The following CLDN15 variants were observed in gnomAD, a reference collection of about 807,000 sequenced individuals.
CLDN15 encodes claudin 15.
Under a neutral mutation model 24.5 loss-of-function variants are expected in CLDN15, and 9 were observed. That is an observed-to-expected ratio of 0.37 (90% confidence interval 0.22 to 0.64). CLDN15 has a LOEUF of 0.64. Ranked by LOEUF, CLDN15 falls within the 30% of genes least tolerant of loss-of-function variation. The pLI, the probability that CLDN15 is intolerant of heterozygous loss-of-function variation, is 0.63. For synonymous variants in CLDN15, 149 were observed against 131.4 expected, an observed-to-expected ratio of 1.13 and a Z score of -0.92; for missense variants, 248 against 305.9, an observed-to-expected ratio of 0.81 and a Z score of 1.41.
chr7:101,234,053 C>G lies in CLDN15; in HGVS notation c.382+225G>C, dbSNP rs536171051. The G allele has an allele frequency of 5.7e-6, 4 of 696,738 alleles. No homozygotes were observed. In the African/African-American group the frequency reaches 7.0e-5, roughly 12 times the overall value. The allele number at this position is 696,738 out of a possible 1,614,324, so 43.2% of individuals were successfully genotyped here. On this transcript the variant is annotated intron_variant, in intron 2 of 4. Transcript: ENST00000308344. ...CTTCGAAGTCCCTCCCACACCTGGC[C>G]GTGGCCAGCCCCTACTGGGAGCTCA...
At chr7:101,234,099 G>C (rs1454173238) in intron 2 of CLDN15, 179 bp downstream of exon 2, 6 of 737,438 alleles carry the variant, frequency 8.1e-6, no homozygotes, top group South Asian at 7.1e-5. Flanking sequence ...CCGATGGGCT[G>C]ATTTGCAGCC....
At position 101,237,599 on chromosome 7, in the gene CLDN15, T is replaced by C. The variant is rs1181351825; in HGVS notation, c.-18A>G. The C allele has an allele frequency of 6.3e-7, 1 of 1,596,968 alleles. No homozygotes were observed. Among genetic ancestry groups the C allele is most frequent in the Admixed American group, 1.7e-5 (1 of 59,806 alleles). On this transcript the variant is annotated 5_prime_UTR_variant, in exon 1 of 5. Coordinates refer to ENST00000308344, the MANE Select transcript of CLDN15 (RefSeq NM_014343.3). This position sits in a 1 kb window ranked among gnomAD's most constrained non-coding sequence, Gnocchi z 4.0. ...ATCGACATGGTGGGATGCAGGACCC[T>C]GGGGGGCTGGTGCCCCAGAGAGGGG...
chr7:101,237,806 C>T, upstream of CLDN15: 1 of 580,962 alleles, frequency 1.7e-6, no homozygotes, highest in South Asian at 2.0e-5. The surrounding 1 kb of genome is among the most constrained non-coding windows in gnomAD (Gnocchi z 4.0). Flanking sequence ...GAGGAATGAG[C>T]TAAGCCTGCG....
In CLDN15 at chr7:101,233,096, A is replaced by G. The variant is rs187210538; in HGVS notation, c.383-182T>C. Among the ~76,000 whole-genome samples, 6 of 152,154 alleles carry G rather than the reference A, an allele frequency of 3.9e-5. No individual in the cohort carries two copies. The East Asian group carries it at 7.7e-4, about 20-fold the overall frequency. On this transcript the variant is annotated intron_variant, in intron 2 of 4. Transcript: ENST00000308344. ...ATAAGCCTTCCTCCTTCCTGGGGTCAACTTCTCAGGGTAGCCCTTAGGCCC... is the reference window on the plus strand; with the variant it reads ...ATAAGCCTTCCTCCTTCCTGGGGTCGACTTCTCAGGGTAGCCCTTAGGCCC...
Position 101,232,214 on chromosome 7 carries a change from GGA to G in CLDN15, c.*194_*195del. ...AAGATGAGGGATCCAGCCTCAGAGG[GGA>G]GATATGCGACTTCCCAAGAGCAGTT... On this transcript the variant is annotated 3_prime_UTR_variant, in exon 5 of 5. Transcript: ENST00000308344. 1 of 561,300 alleles carries G rather than the reference GGA, an allele frequency of 1.8e-6. No individual in the cohort carries two copies. The highest frequency in any genetic ancestry group is 3.2e-6 in the Non-Finnish European group (1 of 316,844). 34.8% of individuals were successfully genotyped at this position (561,300 alleles called of 1,614,324 possible). A position where few individuals can be genotyped will look rare whatever the true frequency, so the allele number is the denominator to read the frequency against.
chr7:101,232,757 G>T (rs369012086), intron 3 of CLDN15, 37 bp from the exon 4 acceptor site: 1 of 1,583,652 alleles, frequency 6.3e-7, no homozygotes, highest in East Asian at 2.2e-5. Flanking sequence ...GGGGACAAGT[G>T]AGACGCCAGC....
Position 101,232,125 on chromosome 7 carries a change from T to C in CLDN15, c.*285A>G, listed in dbSNP as rs190503458. 1 of 333,538 alleles carries C rather than the reference T, an allele frequency of 3.0e-6. No individual in the cohort carries two copies. Among genetic ancestry groups the C allele is most frequent in the East Asian group, 5.9e-5 (1 of 17,074 alleles). The allele number at this position is 333,538 out of a possible 1,614,324, so 20.7% of individuals were successfully genotyped here. ...CACAATATGCATTTATTAATGAATGTATTTATACACAATACAAACGTGCGG... is the reference window on the plus strand; with the variant it reads ...CACAATATGCATTTATTAATGAATGCATTTATACACAATACAAACGTGCGG... On this transcript the variant is annotated 3_prime_UTR_variant, in exon 5 of 5. Coordinates refer to ENST00000308344, the MANE Select transcript of CLDN15 (RefSeq NM_014343.3).
chr7:101,233,764 A>ATTTTTTTTTTTTTTT (rs746861741), intron 2 of CLDN15: 5 of 88,494 alleles, frequency 5.7e-5, no homozygotes, highest in Non-Finnish European at 1.0e-4. Context: ...CGCCTGGCTA[A>ATTTTTTTTTTTTTTT]TTTTTTTTTT....
At chr7:101,236,928 C>T (rs891209991) in intron 1 of CLDN15, 1 of 699,254 alleles carries the variant, frequency 1.4e-6, no homozygotes, top group African/African-American at 1.8e-5. Context: ...ATGGGGCCTC[C>T]TCCCCCTGCC....
rs747781024 is a variant in CLDN15 at position 101,234,006 on chromosome 7, G to A, written c.382+272C>T. On this transcript the variant is annotated intron_variant, in intron 2 of 4. Coordinates refer to ENST00000308344, the MANE Select transcript of CLDN15 (RefSeq NM_014343.3). ...CTCCCCAGCTAGGATGTAAGCTCCC[G>A]GAGGCAGCCGCTCACTCTTATCTTC... 56 of 647,112 alleles carry A rather than the reference G, an allele frequency of 8.7e-5. No homozygotes were observed. In the East Asian group the frequency reaches 1.4e-3, roughly 16 times the overall value. 40.1% of individuals were successfully genotyped at this position (647,112 alleles called of 1,614,324 possible).
chr7:101,234,582 A>G, intron 1 of CLDN15, 140 bp from the exon 2 acceptor site: 1 of 613,972 alleles, frequency 1.6e-6, no homozygotes. Flanking sequence ...ACGCACCACC[A>G]CGCCCGGCTA....
In CLDN15 at chr7:101,232,918, G is replaced by A. The variant is rs2116834329; in HGVS notation, c.383-4C>T. On this transcript the variant is annotated splice_polypyrimidine_tract_variant and splice_region_variant and intron_variant, in intron 2 of 4. Coordinates refer to ENST00000308344, the MANE Select transcript of CLDN15 (RefSeq NM_014343.3). ...ATGGCCACCATCCCGCAGATACCTG[G>A]GGACCGGAGGACGACCCCAGTCCAG... 6.2e-7 allele frequency: 1 copy of A among 1,611,790 alleles called. No homozygotes were observed. Among genetic ancestry groups the A allele is most frequent in the Non-Finnish European group, 8.5e-7 (1 of 1,178,636 alleles).
chr7:101,233,071 A>C (rs1169931253), intron 2 of CLDN15, among the ~76,000 whole-genome samples, 157 bp from the exon 3 acceptor site: 1 of 151,988 alleles, frequency 6.6e-6, no homozygotes, highest in East Asian at 1.9e-4. Flanking sequence ...ACCCCAGTTT[A>C]TAAGCCTTCC....
intron 4 of CLDN15, 34 bp downstream of exon 4, chr7:101,232,570 C>T (rs372838107): frequency 3.4e-4 from 545 of 1,596,608 alleles, no homozygotes; most frequent in Non-Finnish European, 4.3e-4. Context: ...TCTCCAATCC[C>T]GCCCGGCCCC....
rs115261742 is a variant in CLDN15, at chr7:101,236,648, G to A, written c.217+717C>T. On this transcript the variant is annotated intron_variant, in intron 1 of 4. Transcript: ENST00000308344. ...CTTAGCGGGGAGCAGGGAGCGGGAA[G>A]GTGCCGCAGCCACAGAAAGAACTGC... 230 of 927,840 alleles carry A rather than the reference G, an allele frequency of 2.5e-4. No individual in the cohort carries two copies. In the African/African-American group the frequency reaches 3.9e-3, roughly 16 times the overall value. The allele number at this position is 927,840 out of a possible 1,614,324, so 57.5% of individuals were successfully genotyped here. A position where few individuals can be genotyped will look rare whatever the true frequency, so the allele number is the denominator to read the frequency against.
chr7:101,236,352 A>G (rs1798623753), intron 1 of CLDN15, among the ~76,000 whole-genome samples: 1 of 151,950 alleles, frequency 6.6e-6, no homozygotes, highest in African/African-American at 2.4e-5. Context: ...AGGGGCTGGG[A>G]GTAGTGGGGG....
At position 101,234,267 on chromosome 7, in the gene CLDN15, C is replaced by T. The variant is rs766269089; in HGVS notation, c.382+11G>A. 8 of 1,597,624 alleles carry T rather than the reference C, an allele frequency of 5.0e-6. No individual in the cohort carries two copies. In the African/African-American group the frequency reaches 1.1e-4, roughly 21 times the overall value. On this transcript the variant is annotated intron_variant, in intron 2 of 4. Coordinates refer to ENST00000308344, the MANE Select transcript of CLDN15 (RefSeq NM_014343.3). ...AGGGGGACCCCCGCCCCATCACCTT[C>T]CCCCAGTTACCGGCCAGAATGTGGA...
chr7:101,236,774 G>A, intron 1 of CLDN15: 1 of 1,291,346 alleles, frequency 7.7e-7, no homozygotes. Context: ...CCTTACAGCG[G>A]ACGCTCAACC....
Position 101,237,143 on chromosome 7 carries a change from G to GT in CLDN15, c.217+221dup, listed in dbSNP as rs1798643023. Among the ~76,000 whole-genome samples, 1 of 151,944 alleles carries GT rather than the reference G, an allele frequency of 6.6e-6. No homozygotes were observed. Among genetic ancestry groups the GT allele is most frequent in the African/African-American group, 2.4e-5 (1 of 41,212 alleles). ...GGGTCTGATTCTGGTGCCTGCACCTGTAACAGCTAAAAGCGCCACACTAGC... is the reference window on the plus strand; with the variant it reads ...GGGTCTGATTCTGGTGCCTGCACCTGTTAACAGCTAAAAGCGCCACACTAGC... On this transcript the variant is annotated intron_variant, in intron 1 of 4. Transcript: ENST00000308344. The surrounding 1 kb of genome is among the most constrained non-coding windows in gnomAD (Gnocchi z 4.0).
Sources: allele counts gnomAD v4.1 joint callset (sites outside exome capture counted in the v4.1 genomes callset), GRCh38; gene constraint gnomAD v4.1.1; non-coding constraint Gnocchi (gnomAD v3.1); transcripts MANE v1.5; gene names NCBI Gene and HGNC (gene_info 2026-07-23, HGNC 2026-07-21).